Variants in NRXN3 observed in about 807,000 individuals in gnomAD.
NRXN3 encodes neurexin 3, also known as neurexin III.
NRXN3 carries 32 observed loss-of-function variants against 137.6 expected under a neutral mutation model. That is an observed-to-expected ratio of 0.23 (90% confidence interval 0.18 to 0.31). NRXN3 has a LOEUF of 0.31. Among genes scored for constraint, NRXN3 ranks in the 10% least tolerant of loss-of-function variants. The pLI, the probability that NRXN3 is intolerant of heterozygous loss-of-function variation, is 1.00. For missense variants in NRXN3, 1,574 were observed against 2,062.5 expected (o/e 0.76, Z 4.59); for synonymous variants, 798 against 784.5 (o/e 1.02, Z -0.29).
chr14:79,681,667 A>AAGAT (rs1227207561), intron 17 of NRXN3, among the ~76,000 whole-genome samples: 3 of 152,102 alleles, frequency 2.0e-5, no homozygotes, highest in African/African-American at 7.2e-5. Flanking sequence ...CAAGGGTGAA[A>AAGAT]AGATAGATTC....
intron 1 of NRXN3, among the ~76,000 whole-genome samples, chr14:78,177,280 G>GGGT (rs1265450513): frequency 1.3e-5 from 2 of 152,196 alleles, no homozygotes; most frequent in African/African-American, 4.8e-5. Context: ...CATACAATAT[G>GGGT]GGTGAAGGCC....
At chr14:78,948,981 C>G (rs11159385) in intron 10 of NRXN3, among the ~76,000 whole-genome samples, 20,182 of 152,120 alleles carry the variant, frequency 0.13, 2,792 homozygotes, top group East Asian at 0.43. Flanking sequence ...CTCTTGATTC[C>G]TAAAGCTGGG....
chr14:79,089,356 G>T (rs1036814916), intron 15 of NRXN3, among the ~76,000 whole-genome samples: 1 of 152,106 alleles, frequency 6.6e-6, no homozygotes, highest in Non-Finnish European at 1.5e-5. Flanking sequence ...TTGGTAAGAA[G>T]GTTGTTTGCT....
intron 15 of NRXN3, among the ~76,000 whole-genome samples, chr14:79,180,083 C>A (rs749181386): frequency 1.3e-5 from 2 of 152,206 alleles, no homozygotes; most frequent in Non-Finnish European, 2.9e-5. Context: ...AGACCACAAT[C>A]ATAAAAATAA....
intron 4 of NRXN3, among the ~76,000 whole-genome samples, chr14:78,630,840 C>T (rs912294495): frequency 1.1e-4 from 17 of 152,144 alleles, no homozygotes; most frequent in Non-Finnish European, 2.4e-4. Flanking sequence ...CTCCTGACCT[C>T]GTGGTCCGCC....
chr14:79,399,801 G>A (rs1234762698), intron 15 of NRXN3, among the ~76,000 whole-genome samples: 2 of 152,208 alleles, frequency 1.3e-5, no homozygotes, highest in East Asian at 3.9e-4. Context: ...CTCCCAGTTC[G>A]GGAGAATAGA....
chr14:78,524,723 T>C (rs1461022678), intron 4 of NRXN3, among the ~76,000 whole-genome samples: 1 of 152,264 alleles, frequency 6.6e-6, no homozygotes, highest in Non-Finnish European at 1.5e-5. Flanking sequence ...TAGAAAAAGA[T>C]ACCTTCAACC....
intron 16 of NRXN3, among the ~76,000 whole-genome samples, chr14:79,477,013 T>A (rs923419750): frequency 1.3e-5 from 2 of 152,212 alleles, no homozygotes; most frequent in South Asian, 4.1e-4. Flanking sequence ...AAAGTTAATA[T>A]CTAGCCGGGG....
rs78487083 is a variant in NRXN3, at chr14:79,330,656, G to A, written c.3263-136565G>A. On this transcript the variant is annotated intron_variant, in intron 15 of 20. Transcript: ENST00000335750. ...AGGTAGCCCATCTTCACAGAAAGGT[G>A]AATTAGACCAGCGACAGCAGATACC... 2.0e-3 allele frequency among the ~76,000 whole-genome samples: 300 copies of A among 152,234 alleles called. 2 individuals are homozygous for A. The highest frequency in any genetic ancestry group is 7.0e-3 in the African/African-American group (290 of 41,546).
At chr14:79,835,132 A>G (rs1398474244) in intron 20 of NRXN3, among the ~76,000 whole-genome samples, 1 of 152,168 alleles carries the variant, frequency 6.6e-6, no homozygotes, top group Non-Finnish European at 1.5e-5. Flanking sequence ...ACCATAGCAA[A>G]TAATAACATC....
intron 16 of NRXN3, among the ~76,000 whole-genome samples, chr14:79,651,108 A>G (rs575522288): frequency 6.6e-6 from 1 of 152,310 alleles, no homozygotes; most frequent in Admixed American, 6.5e-5. Flanking sequence ...CTAGGACTTC[A>G]ATTTGAGTCT....
At chr14:78,789,166 A>G (rs965758036) in intron 8 of NRXN3, among the ~76,000 whole-genome samples, 2 of 152,198 alleles carry the variant, frequency 1.3e-5, no homozygotes, top group South Asian at 2.1e-4. Flanking sequence ...TCTTCCCTGA[A>G]TCACCGGAGT....
intron 4 of NRXN3, among the ~76,000 whole-genome samples, chr14:78,401,937 A>T (rs530231720): frequency 6.6e-6 from 1 of 152,262 alleles, no homozygotes; most frequent in African/African-American, 2.4e-5. Context: ...ATTCGATTCC[A>T]GGTTTGCTGA....
At chr14:78,572,473 C>A (rs559789078) in intron 4 of NRXN3, among the ~76,000 whole-genome samples, 1 of 152,304 alleles carries the variant, frequency 6.6e-6, no homozygotes, top group African/African-American at 2.4e-5. Context: ...CCAGAGCCCA[C>A]AATGAGCTGT....
chr14:78,524,774 A>T (rs2096351749), intron 4 of NRXN3, among the ~76,000 whole-genome samples: 1 of 152,138 alleles, frequency 6.6e-6, no homozygotes, highest in Admixed American at 6.5e-5. Context: ...CTCCCTTTTC[A>T]AAATACTTGA....
chr14:79,521,782 T>G (rs2097067772), intron 16 of NRXN3, among the ~76,000 whole-genome samples: 1 of 152,170 alleles, frequency 6.6e-6, no homozygotes, highest in South Asian at 2.1e-4. Context: ...ATAGTTCTTC[T>G]TTAAAAACTA....
At chr14:79,544,319 A>G (rs1424845) in intron 16 of NRXN3, among the ~76,000 whole-genome samples, 51,686 of 152,160 alleles carry the variant, frequency 0.34, 11,971 homozygotes, top group African/African-American at 0.66. Context: ...GTTCATTAAC[A>G]GTATTATGTT....
chr14:79,783,432 G>A (rs535855940), intron 19 of NRXN3, among the ~76,000 whole-genome samples: 2 of 152,298 alleles, frequency 1.3e-5, no homozygotes, highest in South Asian at 2.1e-4. Flanking sequence ...TTACAATGGA[G>A]TCTGTTTTCA....
intron 19 of NRXN3, among the ~76,000 whole-genome samples, chr14:79,698,412 A>G (rs2154029903): frequency 6.6e-6 from 1 of 152,140 alleles, no homozygotes; most frequent in East Asian, 1.9e-4. Context: ...TTAAAGTTAG[A>G]AGTGCAACTA....
Sources: allele counts gnomAD v4.1 joint callset (sites outside exome capture counted in the v4.1 genomes callset), GRCh38; gene constraint gnomAD v4.1.1; transcripts MANE v1.5; gene names NCBI Gene and HGNC (gene_info 2026-07-23, HGNC 2026-07-21).